The following FSHR variants were observed in gnomAD, a reference collection of about 807,000 sequenced individuals.
FSHR encodes the protein follicle stimulating hormone receptor.
FSHR carries 46 observed loss-of-function variants against 52.1 expected under a neutral mutation model. That is an observed-to-expected ratio of 0.88 (90% confidence interval 0.70 to 1.13). FSHR has a LOEUF of 1.13. FSHR is among the 50% of genes most tolerant of loss of function. The pLI is 0.00. For synonymous variants in FSHR, 399 were observed against 309.6 expected (o/e 1.29, Z -3.03); for missense variants, 964 against 834.6 (o/e 1.16, Z -1.91).
chr2:48,973,028 C>A (rs1674812419), intron 8 of FSHR, among the ~76,000 whole-genome samples: 1 of 152,126 alleles, frequency 6.6e-6, no homozygotes, highest in East Asian at 1.9e-4. Context: ...TGAATCTGGG[C>A]AGAACTGTGA....
chr2:49,011,600 C>T (rs976193320), intron 4 of FSHR, among the ~76,000 whole-genome samples: 3 of 151,988 alleles, frequency 2.0e-5, no homozygotes, highest in African/African-American at 7.2e-5. Context: ...TTCTAAATGT[C>T]GATCATTTGT....
intron 1 of FSHR, among the ~76,000 whole-genome samples, chr2:49,092,699 C>G (rs915691082): frequency 6.6e-6 from 1 of 152,144 alleles, no homozygotes; most frequent in East Asian, 1.9e-4. Context: ...CGGAGTCTCC[C>G]TCTGTCACAC....
At chr2:49,049,751 G>T (rs969223986) in intron 2 of FSHR, among the ~76,000 whole-genome samples, 74 of 151,528 alleles carry the variant, frequency 4.9e-4, no homozygotes, top group African/African-American at 1.7e-3. Context: ...TGAGTATAAG[G>T]TTGGGAACAT....
chr2:49,038,412 G>A (rs1170325999), intron 2 of FSHR, among the ~76,000 whole-genome samples: 3 of 151,832 alleles, frequency 2.0e-5, no homozygotes, highest in Non-Finnish European at 4.4e-5. Context: ...ACGAGGTCAG[G>A]AGATCGAGAC....
chr2:48,994,224 G>A (rs1334556791), intron 4 of FSHR, among the ~76,000 whole-genome samples: 1 of 152,128 alleles, frequency 6.6e-6, no homozygotes, highest in Non-Finnish European at 1.5e-5. Context: ...CGTTATTTGG[G>A]TAGCAACTTC....
intron 1 of FSHR, among the ~76,000 whole-genome samples, chr2:49,144,203 C>A (rs1484062576): frequency 1.3e-5 from 2 of 152,110 alleles, no homozygotes; most frequent in African/African-American, 4.8e-5. Flanking sequence ...ATTCAACCAG[C>A]CCAAGTCAAG....
intron 2 of FSHR, among the ~76,000 whole-genome samples, chr2:49,057,334 T>C (rs1370816077): frequency 1.3e-5 from 2 of 151,632 alleles, no homozygotes; most frequent in Admixed American, 1.3e-4. Flanking sequence ...ACATACACAA[T>C]GACAGTAGCA....
At chr2:48,988,829 G>A in intron 6 of FSHR, 148 bp downstream of exon 6, 1 of 696,862 alleles carries the variant, frequency 1.4e-6, no homozygotes, top group Non-Finnish European at 2.6e-6. Context: ...GAAATGTAAA[G>A]ATGAGAGAGG....
At chr2:49,140,215 C>T (rs1672630457) in intron 1 of FSHR, among the ~76,000 whole-genome samples, 1 of 152,092 alleles carries the variant, frequency 6.6e-6, no homozygotes, top group South Asian at 2.1e-4. Flanking sequence ...GTGGATCCCT[C>T]ATGAATGGCT....
intron 4 of FSHR, among the ~76,000 whole-genome samples, chr2:49,014,204 C>T (rs759137860): frequency 1.8e-4 from 27 of 152,146 alleles, no homozygotes; most frequent in Non-Finnish European, 2.6e-4. Flanking sequence ...AGGAGAATCC[C>T]TCGACAGTGA....
At chr2:48,983,197 A>C (rs1436620807) in intron 6 of FSHR, 31 bp from the exon 7 acceptor site, 3 of 1,589,796 alleles carry the variant, frequency 1.9e-6, no homozygotes, top group East Asian at 4.5e-5. Flanking sequence ...AAAAACCAAT[A>C]ATGTCAGATG....
intron 8 of FSHR, among the ~76,000 whole-genome samples, chr2:48,974,716 G>C (rs939011454): frequency 2.0e-5 from 3 of 150,790 alleles, no homozygotes; most frequent in Admixed American, 1.3e-4. Flanking sequence ...CATATCTCTA[G>C]TATCTCCATG....
chr2:49,127,838 CT>C (rs1558456740), intron 1 of FSHR, among the ~76,000 whole-genome samples: 1 of 17,648 alleles, frequency 5.7e-5, no homozygotes, highest in Non-Finnish European at 1.1e-4. Flanking sequence ...TCCTCTTCTT[CT>C]TCTTCTTCTT....
chr2:49,082,255 G>T (rs537309185), intron 1 of FSHR, among the ~76,000 whole-genome samples: 19 of 152,132 alleles, frequency 1.2e-4, no homozygotes, highest in African/African-American at 4.3e-4. Context: ...TCACACAGCC[G>T]GGTACTCCAA....
chr2:49,118,865 A>G (rs1177884955), intron 1 of FSHR, among the ~76,000 whole-genome samples: 3 of 152,268 alleles, frequency 2.0e-5, no homozygotes, highest in Non-Finnish European at 2.9e-5. Flanking sequence ...AAAGAAACCC[A>G]TAAAGAGCCA....
intron 2 of FSHR, among the ~76,000 whole-genome samples, chr2:49,066,786 A>T (rs1369778726): frequency 1.3e-5 from 2 of 152,126 alleles, no homozygotes; most frequent in Non-Finnish European, 2.9e-5. Context: ...TGATTAAAGT[A>T]GCTTATTTGT....
At chr2:49,111,713 A>T (rs1453306965) in intron 1 of FSHR, among the ~76,000 whole-genome samples, 1 of 152,146 alleles carries the variant, frequency 6.6e-6, no homozygotes, top group Non-Finnish European at 1.5e-5. Context: ...GCTCCTCAGC[A>T]AGTGTCTATT....
intron 1 of FSHR, among the ~76,000 whole-genome samples, chr2:49,119,971 T>C (rs1458550452): frequency 6.6e-6 from 1 of 152,064 alleles, no homozygotes; most frequent in African/African-American, 2.4e-5. Context: ...CTATGACGGC[T>C]CTTTAAAGTG....
At chr2:48,981,483 G>A (rs1200099492) in intron 8 of FSHR, among the ~76,000 whole-genome samples, 1 of 152,130 alleles carries the variant, frequency 6.6e-6, no homozygotes, top group Non-Finnish European at 1.5e-5. Flanking sequence ...GCTTAGAGAG[G>A]TAAAAGAATT....
Sources: gnomAD v4.1 joint callset for allele counts (sites outside exome capture counted in the v4.1 genomes callset) on GRCh38, gnomAD v4.1.1 for gene constraint, MANE v1.5 for transcripts, NCBI Gene and HGNC (gene_info 2026-07-23, HGNC 2026-07-21) for gene names.